The following RSRC1 variants were observed in gnomAD, a reference collection of about 807,000 sequenced individuals.
RSRC1 encodes the protein serine/Arginine-related protein 53.
A neutral mutation model predicts 49.1 loss-of-function variants in RSRC1; 39 were observed. That is an observed-to-expected ratio of 0.79 (90% confidence interval 0.61 to 1.04). The LOEUF (loss-of-function observed/expected upper bound fraction) is 1.04. Ranked by LOEUF, RSRC1 falls within the 50% of genes least tolerant of loss-of-function variation. The pLI is 0.00. For synonymous variants in RSRC1, 143 were observed against 130.8 expected (o/e 1.09, Z -0.63); for missense variants, 388 against 402.4 (o/e 0.96, Z 0.31).
intron 4 of RSRC1, among the ~76,000 whole-genome samples, chr3:158,236,282 T>C (rs1723246047): frequency 6.6e-6 from 1 of 152,136 alleles, no homozygotes; most frequent in Non-Finnish European, 1.5e-5. Context: ...TTATATAATT[T>C]AGAGTTAAAA....
Position 158,137,911 on chromosome 3 carries a change from C to T in RSRC1, c.320+13920C>T, listed in dbSNP as rs565809494. Among the ~76,000 whole-genome samples the T allele has an allele frequency of 6.7e-4, 102 of 152,150 alleles. 1 individual carries two copies. The South Asian group carries it at 0.016, about 24-fold the overall frequency. ...TCCTGATCTGACCTCGTGATCTGCC[C>T]GCCTCAGCCTCCCAAAATGCTGATT... is the stretch of plus-strand genomic sequence containing the variant. On this transcript the variant is annotated intron_variant, in intron 3 of 9. Transcript: ENST00000611884.
At chr3:158,514,773 A>T (rs923735029) in intron 7 of RSRC1, among the ~76,000 whole-genome samples, 7 of 152,256 alleles carry the variant, frequency 4.6e-5, no homozygotes, top group African/African-American at 1.7e-4. Context: ...TAGGTCACTC[A>T]GGACTTGCTT....
intron 7 of RSRC1, among the ~76,000 whole-genome samples, chr3:158,486,930 A>G (rs1738837102): frequency 6.6e-6 from 1 of 152,134 alleles, no homozygotes; most frequent in Non-Finnish European, 1.5e-5. Flanking sequence ...CCACACAGCA[A>G]CTGGATCTGG....
chr3:158,424,785 A>G (rs1315225873), intron 6 of RSRC1, among the ~76,000 whole-genome samples: 2 of 152,238 alleles, frequency 1.3e-5, no homozygotes, highest in African/African-American at 2.4e-5. Context: ...CAGAGATTCA[A>G]CTTCTTCCTG....
At chr3:158,321,699 C>A (rs1275068134) in intron 5 of RSRC1, among the ~76,000 whole-genome samples, 1 of 151,418 alleles carries the variant, frequency 6.6e-6, no homozygotes, top group African/African-American at 2.4e-5. Context: ...ACTTTTGCAC[C>A]AACCTAACAG....
chr3:158,127,337 T>C (rs1715693040), intron 3 of RSRC1, among the ~76,000 whole-genome samples: 1 of 152,086 alleles, frequency 6.6e-6, no homozygotes, highest in African/African-American at 2.4e-5. Context: ...TGTCTTATAG[T>C]CCCTTAGGCT....
intron 5 of RSRC1, among the ~76,000 whole-genome samples, chr3:158,343,849 A>G (rs1311169224): frequency 6.6e-6 from 1 of 152,206 alleles, no homozygotes; most frequent in Non-Finnish European, 1.5e-5. Context: ...TACAATATAC[A>G]TGGAGTTGCC....
chr3:158,171,584 A>G (rs1424308173), intron 3 of RSRC1, among the ~76,000 whole-genome samples: 1 of 152,176 alleles, frequency 6.6e-6, no homozygotes, highest in Non-Finnish European at 1.5e-5. Context: ...TGAAAAATAC[A>G]ATATCTAAAC....
intron 5 of RSRC1, among the ~76,000 whole-genome samples, chr3:158,300,337 C>T (rs886609483): frequency 7.2e-5 from 11 of 152,180 alleles, no homozygotes; most frequent in African/African-American, 2.7e-4. Flanking sequence ...ATATATTCAT[C>T]TATCCATCTG....
intron 6 of RSRC1, among the ~76,000 whole-genome samples, chr3:158,427,507 T>G (rs1270468509): frequency 1.3e-5 from 2 of 151,830 alleles, no homozygotes; most frequent in Admixed American, 6.6e-5. Flanking sequence ...CCAAAAAACC[T>G]TAAGTATAAT....
chr3:158,464,148 A>C (rs73030516), intron 7 of RSRC1, among the ~76,000 whole-genome samples: 5,187 of 152,196 alleles, frequency 0.034, 309 homozygotes, highest in African/African-American at 0.12. Flanking sequence ...GTGTTTGAAA[A>C]TGTTCTAACT....
chr3:158,142,645 G>C (rs1052493916), intron 3 of RSRC1, among the ~76,000 whole-genome samples: 21 of 152,134 alleles, frequency 1.4e-4, no homozygotes, highest in Non-Finnish European at 7.4e-5. Flanking sequence ...GAGCAAGAGA[G>C]AGTAGGAAAA....
intron 6 of RSRC1, among the ~76,000 whole-genome samples, chr3:158,447,411 T>C (rs1448662098): frequency 6.6e-6 from 1 of 152,050 alleles, no homozygotes; most frequent in African/African-American, 2.4e-5. Flanking sequence ...ATTTTATTCC[T>C]AATCTTTCTG....
chr3:158,448,502 A>G (rs1736850835), intron 6 of RSRC1, among the ~76,000 whole-genome samples: 2 of 151,934 alleles, frequency 1.3e-5, no homozygotes, highest in South Asian at 4.1e-4. Flanking sequence ...TACGCATTTA[A>G]AAAAACTATC....
intron 6 of RSRC1, among the ~76,000 whole-genome samples, chr3:158,399,123 C>CTT (rs1161504489): frequency 2.0e-4 from 6 of 30,108 alleles, no homozygotes; most frequent in Admixed American, 5.3e-4. Flanking sequence ...CTATTATTTC[C>CTT]TTTTTTTTTT....
chr3:158,543,408 G>T lies in RSRC1; in HGVS notation c.833G>T (p.Ser278Ile). The T allele has an allele frequency of 6.2e-7, 1 of 1,610,810 alleles. No homozygotes were observed. ...GPASAVADPP[S>I]TEKEIDPTSI... ...GCATCAGCAGTTGCTGATCCACCCA[G>T]TACTGAAAAAGAAATAGATCCTACC... is the stretch of plus-strand genomic sequence containing the variant. The change falls in exon 9 of 10, where the codon AGT (serine) becomes ATT (isoleucine). Residue 278 changes from serine to isoleucine, a missense_variant. By Grantham distance (142) the Ser-to-Ile change is moderately radical (BLOSUM62 -2). Transcript: ENST00000611884.
At chr3:158,269,908 G>T (rs942447390) in intron 4 of RSRC1, among the ~76,000 whole-genome samples, 1 of 152,032 alleles carries the variant, frequency 6.6e-6, no homozygotes, top group African/African-American at 2.4e-5. Flanking sequence ...ACATTTCTTG[G>T]CTTCTAATGT....
chr3:158,520,911 G>C (rs1711621743), intron 7 of RSRC1, among the ~76,000 whole-genome samples: 1 of 151,904 alleles, frequency 6.6e-6, no homozygotes, highest in Non-Finnish European at 1.5e-5. Flanking sequence ...TTTTTTGCTT[G>C]GATTGAAATG....
intron 4 of RSRC1, among the ~76,000 whole-genome samples, chr3:158,233,569 C>T (rs538606753): frequency 2.0e-5 from 3 of 152,224 alleles, no homozygotes; most frequent in African/African-American, 7.2e-5. Flanking sequence ...GATCTTAAAG[C>T]ATTTAAGCTT....
Sources: allele counts gnomAD v4.1 joint callset (sites outside exome capture counted in the v4.1 genomes callset), GRCh38; gene constraint gnomAD v4.1.1; transcripts MANE v1.5; gene names NCBI Gene and HGNC (gene_info 2026-07-23, HGNC 2026-07-21).